The following TBC1D23 variants were observed in gnomAD, a reference collection of about 807,000 sequenced individuals.
TBC1D23 encodes the protein HCV non-structural protein 4A-transactivated protein 1.
TBC1D23 carries 55 observed loss-of-function variants against 91.4 expected under a neutral mutation model. The ratio of observed to expected loss-of-function variants is 0.60; its 90% CI spans 0.48 to 0.75. The LOEUF (loss-of-function observed/expected upper bound fraction) is 0.75, where lower values mean the gene tolerates loss of function less well. TBC1D23 is among the 30% of genes least tolerant of loss of function. The pLI is 0.00. For synonymous variants in TBC1D23, 289 were observed against 281.0 expected (o/e 1.03, Z -0.28); for missense variants, 725 against 836.1 (o/e 0.87, Z 1.64).
rs756262935 is a variant in TBC1D23 at position 100,302,051 on chromosome 3, T to TA, written c.1093-9dup. On this transcript the variant is annotated splice_polypyrimidine_tract_variant and intron_variant, in intron 10 of 18. Transcript: ENST00000394144. ...CACAGGCTTGTCAAGTTTTTAACTTTAAAAAAATTGTCTAGATGCTTCAGA... is the reference window on the plus strand; with the variant it reads ...CACAGGCTTGTCAAGTTTTTAACTTTAAAAAAAATTGTCTAGATGCTTCAGA... 1.3e-6 allele frequency: 2 copies of TA among 1,574,584 alleles called. No individual in the cohort carries two copies. Among genetic ancestry groups the TA allele is most frequent in the East Asian group, 2.4e-5 (1 of 42,254 alleles).
At position 100,325,220 on chromosome 3, in the gene TBC1D23, A is replaced by G. The variant is rs957283309; in HGVS notation, c.*1552A>G. On this transcript the variant is annotated 3_prime_UTR_variant, in exon 19 of 19. Coordinates refer to ENST00000394144, the MANE Select transcript of TBC1D23 (RefSeq NM_001199198.3). ...GTTTATAAATTACAATTGTAAATAA[A>G]TTACTAGTTTGCCCAAAACTTTGTT... is the stretch of plus-strand genomic sequence containing the variant. The G allele has an allele frequency of 6.6e-6, 1 of 152,192 alleles. No homozygotes were observed. Among genetic ancestry groups the G allele is most frequent in the Admixed American group, 6.5e-5 (1 of 15,270 alleles). 9.4% of individuals were successfully genotyped at this position (152,192 alleles called of 1,614,324 possible).
In TBC1D23 at chr3:100,306,445, C is replaced by T. The variant is rs778014711; in HGVS notation, c.1315C>T (p.Gln439Ter). Reference sequence around the variant, plus strand: ...TTTTAATTTATCTTAAGCACTGCAGCAGCACCTGGCAGACATTAATGTGGA... The same window carrying T: ...TTTTAATTTATCTTAAGCACTGCAGTAGCACCTGGCAGACATTAATGTGGA... ...IASGGFMALQ[Q>*]HLADINVDGP... Residue 439 changes from glutamine (Q) to a stop codon, truncating the protein, a stop_gained, in exon 13 of 19, where the codon CAG (glutamine) becomes TAG (stop). Transcript: ENST00000394144. LOFTEE classifies it high-confidence loss of function. 1 of 1,599,832 alleles carries T rather than the reference C, an allele frequency of 6.3e-7. No homozygotes were observed. Among genetic ancestry groups the T allele is most frequent in the East Asian group, 2.2e-5 (1 of 44,786 alleles).
chr3:100,315,697 T>C (rs946104477), intron 15 of TBC1D23, among the ~76,000 whole-genome samples: 4 of 152,192 alleles, frequency 2.6e-5, no homozygotes, highest in Non-Finnish European at 4.4e-5. Flanking sequence ...TACAATAAAA[T>C]TGACTGATTT....
chr3:100,295,377 T>A (rs1214887332), intron 7 of TBC1D23, 29 bp downstream of exon 7: 2 of 1,567,084 alleles, frequency 1.3e-6, no homozygotes, highest in Non-Finnish European at 1.7e-6. Context: ...AGTGAAAACA[T>A]TTCAGGTCTC....
Position 100,278,145 on chromosome 3 carries a change from T to A in TBC1D23, c.54-1504T>A, listed in dbSNP as rs1048009859. On this transcript the variant is annotated intron_variant, in intron 1 of 18. Transcript: ENST00000394144. ...TGCCTATCAGTGGGGAAGTTTTCAT[T>A]GTCTTAGTGAAAAAAATGAAGAGTG... is the stretch of plus-strand genomic sequence containing the variant. Among the ~76,000 whole-genome samples, 4 of 152,308 alleles carry A rather than the reference T, an allele frequency of 2.6e-5. No homozygotes were observed. The South Asian group carries it at 8.3e-4, about 32-fold the overall frequency.
chr3:100,315,711 T>A (rs1385543176), intron 15 of TBC1D23, among the ~76,000 whole-genome samples: 2 of 152,216 alleles, frequency 1.3e-5, no homozygotes, highest in African/African-American at 2.4e-5. Flanking sequence ...CTGATTTAGT[T>A]CTTACTATAA....
At chr3:100,272,548 A>G (rs2067608200) in intron 1 of TBC1D23, among the ~76,000 whole-genome samples, 1 of 152,162 alleles carries the variant, frequency 6.6e-6, no homozygotes, top group South Asian at 2.1e-4. Context: ...AGGTGGAACG[A>G]GAGACTTGGA....
At position 100,312,879 on chromosome 3, in the gene TBC1D23, C is replaced by T. The variant is rs187960626; in HGVS notation, c.1598+1002C>T. On this transcript the variant is annotated intron_variant, in intron 15 of 18. Coordinates refer to ENST00000394144, the MANE Select transcript of TBC1D23 (RefSeq NM_001199198.3). ...CTCTAAGACTATACTTTCAGCCGGG[C>T]GCAATGGCTCACACCTGTAATCCCA... is the stretch of plus-strand genomic sequence containing the variant. 3.3e-3 allele frequency among the ~76,000 whole-genome samples: 508 copies of T among 152,002 alleles called. 2 individuals carry two copies. The highest frequency in any genetic ancestry group is 0.012 in the African/African-American group (481 of 41,482).
At position 100,296,687 on chromosome 3, in the gene TBC1D23, A is replaced by G. The variant is rs9844374; in HGVS notation, c.876+412A>G. ...ATCCTGGCTAACACGGTGAAACCCTATCTTTACTAAGAAATACAAAAAATT... is the reference window on the plus strand; with the variant it reads ...ATCCTGGCTAACACGGTGAAACCCTGTCTTTACTAAGAAATACAAAAAATT... On this transcript the variant is annotated intron_variant, in intron 8 of 18. Coordinates refer to ENST00000394144, the MANE Select transcript of TBC1D23 (RefSeq NM_001199198.3). Among the ~76,000 whole-genome samples, 587 of 151,378 alleles carry G rather than the reference A, an allele frequency of 3.9e-3. 2 individuals carry two copies. Among genetic ancestry groups the G allele is most frequent in the African/African-American group, 0.013 (543 of 41,258 alleles).
intron 1 of TBC1D23, among the ~76,000 whole-genome samples, chr3:100,266,393 C>T (rs2067557996): frequency 6.6e-6 from 1 of 151,988 alleles, no homozygotes; most frequent in South Asian, 2.1e-4. Context: ...CTCAGTCTCT[C>T]AAGGAGCTAA....
rs535298228 is a variant in TBC1D23, at chr3:100,311,866, A to G, written c.1587A>G (p.Ser529=). The G allele has an allele frequency of 6.5e-7, 1 of 1,534,978 alleles. No homozygotes were observed. The highest frequency in any genetic ancestry group is 2.0e-5 in the Admixed American group (1 of 51,006). ...MSFNLPWPDR[S]CTERHVSSSD... ...TCAATCTTCCTTGGCCAGACAGATC[A>G]TGTACAGAGCGGTAAGCCAATGAGT... The change falls in exon 15 of 19, where the codon TCA becomes TCG. Residue 529 remains serine (S), a synonymous_variant. Transcript: ENST00000394144.
intron 5 of TBC1D23, among the ~76,000 whole-genome samples, chr3:100,291,109 CTT>C (rs1190049576): frequency 6.6e-6 from 1 of 152,010 alleles, no homozygotes; most frequent in East Asian, 1.9e-4. Context: ...AGGAAAATGA[CTT>C]AAGGTTATCA....
rs1390414870 is a variant in TBC1D23 at position 100,295,146 on chromosome 3, A to G, written c.660A>G (p.Gly220=). The change falls in exon 6 of 19, where the codon GGA becomes GGG. Residue 220 remains glycine, a synonymous_variant. Transcript: ENST00000394144. ...STEVTQAIWD[G]YLQQADPFFI... ...AAGTCACTCAGGCAATATGGGATGG[A>G]TATCTACAACAAGCAGATCCATTTT... 1.2e-6 allele frequency: 2 copies of G among 1,607,014 alleles called. No homozygotes were observed. Among genetic ancestry groups the G allele is most frequent in the Admixed American group, 1.7e-5 (1 of 58,558 alleles).
rs1705920354 is a variant in TBC1D23 at position 100,324,580 on chromosome 3, TGTTTTTGTCATCATTTTCTGA to T, written c.*913_*933del. On this transcript the variant is annotated 3_prime_UTR_variant, in exon 19 of 19. Transcript: ENST00000394144. The stretch of plus-strand genomic sequence containing the variant: ...AATCAGAGAGCTTATAAAGTACAAT[TGTTTTTGTCATCATTTTCTGA>T]ATTTCTTTCTCTTCTTTTGGTTTTG... 1 of 152,194 alleles carries T rather than the reference TGTTTTTGTCATCATTTTCTGA, an allele frequency of 6.6e-6. No individual in the cohort carries two copies. Among genetic ancestry groups the T allele is most frequent in the Non-Finnish European group, 1.5e-5 (1 of 68,024 alleles). 9.4% of individuals were successfully genotyped at this position (152,194 alleles called of 1,614,324 possible).
chr3:100,322,958 C>T (rs1199845504), intron 18 of TBC1D23, among the ~76,000 whole-genome samples: 2 of 152,098 alleles, frequency 1.3e-5, no homozygotes, highest in South Asian at 4.1e-4. Context: ...AAAAATACCA[C>T]TATTTTTATT....
At chr3:100,265,544 C>T (rs999886422) in intron 1 of TBC1D23, among the ~76,000 whole-genome samples, 4 of 151,852 alleles carry the variant, frequency 2.6e-5, no homozygotes, top group African/African-American at 9.7e-5. Flanking sequence ...TGGTAATTAC[C>T]CTCCTTGGTA....
At chr3:100,275,965 A>C (rs1189425127) in intron 1 of TBC1D23, among the ~76,000 whole-genome samples, 1 of 152,126 alleles carries the variant, frequency 6.6e-6, no homozygotes, top group African/African-American at 2.4e-5. Context: ...AAATATGTAG[A>C]GACAGAAAGT....
chr3:100,262,482 T>C (rs538819392), intron 1 of TBC1D23, among the ~76,000 whole-genome samples: 2 of 152,278 alleles, frequency 1.3e-5, no homozygotes, highest in African/African-American at 4.8e-5. Context: ...CCCAGCACTT[T>C]GGGAGGCCGA....
At chr3:100,299,647 T>A (rs1305343500) in intron 10 of TBC1D23, among the ~76,000 whole-genome samples, 1 of 152,150 alleles carries the variant, frequency 6.6e-6, no homozygotes, top group East Asian at 1.9e-4. Flanking sequence ...GTAGGTGGGA[T>A]TACAGGCACC....
Sources: allele counts gnomAD v4.1 joint callset (sites outside exome capture counted in the v4.1 genomes callset), GRCh38; gene constraint gnomAD v4.1.1; transcripts MANE v1.5; gene names NCBI Gene and HGNC (gene_info 2026-07-23, HGNC 2026-07-21).